The following SPRING1 variants were observed in gnomAD, a reference collection of about 807,000 sequenced individuals.
SPRING1 encodes SREBF pathway regulator in golgi 1.
In SPRING1, 14 loss-of-function variants were observed where a neutral mutation model predicts 24.7. That is an observed-to-expected ratio of 0.57 (90% CI 0.37 to 0.88). SPRING1 has a LOEUF of 0.88. Ranked by LOEUF, SPRING1 falls within the 40% of genes least tolerant of loss-of-function variation. The probability of loss-of-function intolerance (pLI) is 0.00; values close to 1 mark genes in which losing one functional copy is unlikely to be tolerated. For missense variants in SPRING1, 255 were observed against 268.4 expected, an observed-to-expected ratio of 0.95 and a Z score of 0.35; for synonymous variants, 93 against 106.1, an observed-to-expected ratio of 0.88 and a Z score of 0.76.
chr12:116,711,974 C>T lies in SPRING1; in HGVS notation c.*5836G>A, dbSNP rs908647307. On this transcript the variant is annotated 3_prime_UTR_variant, in exon 5 of 5. Transcript: ENST00000261318. ...TGCACAGTGATCAGAAGCTTACCTA[C>T]CCCACGTTGCATAAAAAAAAGTATG... 1 of 152,074 alleles carries T rather than the reference C, an allele frequency of 6.6e-6. No individual in the cohort carries two copies. The highest frequency in any genetic ancestry group is 1.5e-5 in the Non-Finnish European group (1 of 68,008). The allele number at this position is 152,074 out of a possible 1,614,324, so 9.4% of individuals were successfully genotyped here.
Position 116,711,236 on chromosome 12 carries a change from A to G in SPRING1, c.*6574T>C, listed in dbSNP as rs1202756060. On this transcript the variant is annotated 3_prime_UTR_variant, in exon 5 of 5. Transcript: ENST00000261318. ...CTCTCTCTCGCTCTCTCTCTTCCTT[A>G]AGAATAGTGAGATGTGGCCAGGCGC... 6.6e-6 allele frequency: 1 copy of G among 152,248 alleles called. No individual in the cohort carries two copies. The highest frequency in any genetic ancestry group is 1.5e-5 in the Non-Finnish European group (1 of 68,106). 9.4% of individuals were successfully genotyped at this position (152,248 alleles called of 1,614,324 possible). A position where few individuals can be genotyped will look rare whatever the true frequency, so the allele number is the denominator to read the frequency against.
Position 116,715,924 on chromosome 12 carries a change from G to A in SPRING1, c.*1886C>T, listed in dbSNP as rs1870106463. The stretch of plus-strand genomic sequence containing the variant: ...CAGAGAGGATCCATAAACAGGCACA[G>A]GCTGCCCTTTGGTATAAACTGTTCA... On this transcript the variant is annotated 3_prime_UTR_variant, in exon 5 of 5. Transcript: ENST00000261318. 6.6e-6 allele frequency: 1 copy of A among 152,234 alleles called. No individual in the cohort carries two copies. Among genetic ancestry groups the A allele is most frequent in the Non-Finnish European group, 1.5e-5 (1 of 68,054 alleles). 9.4% of individuals were successfully genotyped at this position (152,234 alleles called of 1,614,324 possible).
At chr12:116,725,377 G>A (rs1444176553) in intron 1 of SPRING1, among the ~76,000 whole-genome samples, 8 of 152,136 alleles carry the variant, frequency 5.3e-5, no homozygotes, top group East Asian at 1.9e-4. Context: ...GGTACTAGCC[G>A]CAGTTTCAGG....
At chr12:116,736,481 C>T (rs950336302) in intron 1 of SPRING1, among the ~76,000 whole-genome samples, 1 of 152,228 alleles carries the variant, frequency 6.6e-6, no homozygotes, top group East Asian at 1.9e-4. Context: ...TGGCAGGTCA[C>T]GTACAATTCC....
intron 1 of SPRING1, among the ~76,000 whole-genome samples, chr12:116,735,417 C>G (rs1213902680): frequency 6.6e-6 from 1 of 152,146 alleles, no homozygotes; most frequent in Non-Finnish European, 1.5e-5. Context: ...TTTAATACCA[C>G]TGAACTGCAC....
rs1439869832 is a variant in SPRING1 at position 116,712,235 on chromosome 12, A to T, written c.*5575T>A. The T allele has an allele frequency of 2.0e-5, 3 of 152,168 alleles. No individual in the cohort carries two copies. The highest frequency in any genetic ancestry group is 4.8e-5 in the African/African-American group (2 of 41,420). 9.4% of individuals were successfully genotyped at this position (152,168 alleles called of 1,614,324 possible). On this transcript the variant is annotated 3_prime_UTR_variant, in exon 5 of 5. Transcript: ENST00000261318. ...TAAAGTCTGCACTTTCATTTTACAG[A>T]CAGTCCTACAGTTCAACTCCAACAT... is the stretch of plus-strand genomic sequence containing the variant.
chr12:116,727,223 G>A (rs901117610), intron 1 of SPRING1, among the ~76,000 whole-genome samples: 7 of 152,162 alleles, frequency 4.6e-5, no homozygotes, highest in East Asian at 1.9e-4. Flanking sequence ...AGAGATGAAC[G>A]GCAGTCTGGT....
chr12:116,717,891 G>A lies in SPRING1; in HGVS notation c.537C>T (p.Ser179=), dbSNP rs200462423. 3.2e-5 allele frequency: 51 copies of A among 1,599,928 alleles called. No individual in the cohort carries two copies. The East Asian group carries it at 8.8e-4, about 28-fold the overall frequency. The change falls in exon 5 of 5, where the codon AGC becomes AGT. Residue 179 remains serine, a splice_region_variant and synonymous_variant. Transcript: ENST00000261318. The surrounding 1 kb of genome is among the most constrained non-coding windows in gnomAD (Gnocchi z 4.2). ...CCCGGTAGGTGTTCTCATGCTGCACGCTCTGTTGGCAAAAGGAAAATAAGA... is the reference window on the plus strand; with the variant it reads ...CCCGGTAGGTGTTCTCATGCTGCACACTCTGTTGGCAAAAGGAAAATAAGA... ...CLAKCRTSSQ[S]VQHENTYRDP...
chr12:116,734,302 G>A (rs1871127332), intron 1 of SPRING1, among the ~76,000 whole-genome samples: 1 of 152,200 alleles, frequency 6.6e-6, no homozygotes, highest in Non-Finnish European at 1.5e-5. Context: ...ATGCTGTACA[G>A]GCTTAGAGCC....
intron 1 of SPRING1, among the ~76,000 whole-genome samples, chr12:116,726,511 G>C (rs1313645265): frequency 1.3e-5 from 2 of 152,142 alleles, no homozygotes; most frequent in Non-Finnish European, 2.9e-5. Context: ...AGGACCGGGA[G>C]GGGGGCGGTT....
rs897559570 is a variant in SPRING1, at chr12:116,713,945, G to C, written c.*3865C>G. Reference sequence around the variant, plus strand: ...CTGAAATATCGTATCTTTAAAAACAGTAACAACAATAGTAACAAGAGCTCT... The same window carrying C: ...CTGAAATATCGTATCTTTAAAAACACTAACAACAATAGTAACAAGAGCTCT... On this transcript the variant is annotated 3_prime_UTR_variant, in exon 5 of 5. Coordinates refer to ENST00000261318, the MANE Select transcript of SPRING1 (RefSeq NM_024738.4). The C allele has an allele frequency of 6.6e-6, 1 of 152,116 alleles. No individual in the cohort carries two copies. Among genetic ancestry groups the C allele is most frequent in the Non-Finnish European group, 1.5e-5 (1 of 68,014 alleles). 9.4% of individuals were successfully genotyped at this position (152,116 alleles called of 1,614,324 possible). A position where few individuals can be genotyped will look rare whatever the true frequency, so the allele number is the denominator to read the frequency against.
Position 116,714,929 on chromosome 12 carries a change from G to A in SPRING1, c.*2881C>T, listed in dbSNP as rs565123382. The A allele has an allele frequency of 6.6e-6, 1 of 152,006 alleles. No homozygotes were observed. The highest frequency in any genetic ancestry group is 2.4e-5 in the African/African-American group (1 of 41,450). The allele number at this position is 152,006 out of a possible 1,614,324, so 9.4% of individuals were successfully genotyped here. ...CTCTTGTGTGCTTCTTTCCCTGTTAGGACCAATCTTTACAACTCCAGCAAG... is the reference window on the plus strand; with the variant it reads ...CTCTTGTGTGCTTCTTTCCCTGTTAAGACCAATCTTTACAACTCCAGCAAG... On this transcript the variant is annotated 3_prime_UTR_variant, in exon 5 of 5. Transcript: ENST00000261318.
At chr12:116,736,913 G>C (rs184420579) in intron 1 of SPRING1, among the ~76,000 whole-genome samples, 1 of 152,136 alleles carries the variant, frequency 6.6e-6, no homozygotes, top group Non-Finnish European at 1.5e-5. Context: ...AGGACACAGA[G>C]CCCCCAAATT....
chr12:116,721,867 CT>C (rs1302285278), intron 2 of SPRING1, among the ~76,000 whole-genome samples: 4 of 152,014 alleles, frequency 2.6e-5, no homozygotes, highest in Admixed American at 2.6e-4. Flanking sequence ...CTCAGGCATC[CT>C]TTTTTTTCCC....
In SPRING1 at chr12:116,717,748, C is replaced by T. The variant is rs991544530; in HGVS notation, c.*62G>A. ...CTGGCCCGATGGCTGAAGCTGGGTC[C>T]CAGGAGGCGAGTTCTTCAGCGGGGC... is the stretch of plus-strand genomic sequence containing the variant. On this transcript the variant is annotated 3_prime_UTR_variant, in exon 5 of 5. Coordinates refer to ENST00000261318, the MANE Select transcript of SPRING1 (RefSeq NM_024738.4). This position sits in a 1 kb window ranked among gnomAD's most constrained non-coding sequence, Gnocchi z 4.2. The T allele has an allele frequency of 7.0e-7, 1 of 1,418,442 alleles. No homozygotes were observed. The highest frequency in any genetic ancestry group is 9.6e-7 in the Non-Finnish European group (1 of 1,044,038). 87.9% of individuals were successfully genotyped at this position (1,418,442 alleles called of 1,614,324 possible). A position where few individuals can be genotyped will look rare whatever the true frequency, so the allele number is the denominator to read the frequency against.
chr12:116,730,371 T>C (rs1045069288), intron 1 of SPRING1, among the ~76,000 whole-genome samples: 1 of 151,950 alleles, frequency 6.6e-6, no homozygotes. Context: ...ACCCAGCTAA[T>C]TTTTGTATTT....
intron 1 of SPRING1, among the ~76,000 whole-genome samples, chr12:116,724,819 T>C (rs149300341): frequency 6.6e-4 from 101 of 152,360 alleles, no homozygotes; most frequent in African/African-American, 2.2e-3. Flanking sequence ...AACTGACTTT[T>C]GCACATTAGA....
In SPRING1 at chr12:116,728,718, C is replaced by T. The variant is rs1870825839; in HGVS notation, c.112-5495G>A. Among the ~76,000 whole-genome samples, 1 of 152,184 alleles carries T rather than the reference C, an allele frequency of 6.6e-6. No homozygotes were observed. The highest frequency in any genetic ancestry group is 1.5e-5 in the Non-Finnish European group (1 of 68,038). The stretch of plus-strand genomic sequence containing the variant: ...CCATCAACGGTACACACCCTGGACC[C>T]GTACACTCCATCTCACCATCTCCAT... On this transcript the variant is annotated intron_variant, in intron 1 of 4. Coordinates refer to ENST00000261318, the MANE Select transcript of SPRING1 (RefSeq NM_024738.4). This position sits in a 1 kb window ranked among gnomAD's most constrained non-coding sequence, Gnocchi z 4.2.
chr12:116,737,795 T>G lies in SPRING1; in HGVS notation c.106A>C (p.Lys36Gln), dbSNP rs1204305845. The change falls in exon 1 of 5, where the codon AAG (lysine) becomes CAG (glutamine). Residue 36 changes from lysine to glutamine, a missense_variant. Transcript: ENST00000261318. ...SLVYFLSSTF[K>Q]QEERAVRDRN... is the part of the protein sequence containing the mutation. ...GGGGAAGGGCGGCCACTGACCTGCT[T>G]GAAGGTGCTGCTGAGGAAGTAGACG... is the stretch of plus-strand genomic sequence containing the variant. The G allele has an allele frequency of 1.9e-6, 3 of 1,584,830 alleles. No individual in the cohort carries two copies. Among genetic ancestry groups the G allele is most frequent in the Non-Finnish European group, 2.6e-6 (3 of 1,165,040 alleles).
Sources: allele counts gnomAD v4.1 joint callset (sites outside exome capture counted in the v4.1 genomes callset), GRCh38; gene constraint gnomAD v4.1.1; non-coding constraint Gnocchi (gnomAD v3.1); transcripts MANE v1.5; gene names NCBI Gene and HGNC (gene_info 2026-07-23, HGNC 2026-07-21).